Variants in ARFGEF3 observed in about 807,000 individuals in gnomAD.
ARFGEF3 encodes the protein ARFGEF family member 3.
Under a neutral mutation model 221.7 loss-of-function variants are expected in ARFGEF3, and 96 were observed. The ratio of observed to expected loss-of-function variants is 0.43; its 90% CI spans 0.37 to 0.51. The LOEUF is 0.51. Among genes scored for constraint, ARFGEF3 ranks in the 20% least tolerant of loss-of-function variants. The pLI, the probability that ARFGEF3 is intolerant of heterozygous loss-of-function variation, is 0.00. For missense variants in ARFGEF3, 2,410 were observed against 2,789.9 expected (o/e 0.86, Z 3.07); for synonymous variants, 1,145 against 1,126.8 (o/e 1.02, Z -0.32).
In ARFGEF3 at chr6:138,192,399, A is replaced by C. The variant is rs538076020; in HGVS notation, c.138-14643A>C. 2.1e-4 allele frequency among the ~76,000 whole-genome samples: 32 copies of C among 152,356 alleles called. No homozygotes were observed. The East Asian group carries it at 5.0e-3, about 24-fold the overall frequency. ...CTACTTGGGAGGCTGAGGCAGGAGA[A>C]TAGCTTGAACCCGGGAGGTGGAGGT... is the stretch of plus-strand genomic sequence containing the variant. On this transcript the variant is annotated intron_variant, in intron 2 of 33. Coordinates refer to ENST00000251691, the MANE Select transcript of ARFGEF3 (RefSeq NM_020340.5).
intron 1 of ARFGEF3, among the ~76,000 whole-genome samples, chr6:138,168,511 T>C (rs1776763694): frequency 6.6e-6 from 1 of 152,162 alleles, no homozygotes; most frequent in Non-Finnish European, 1.5e-5. Context: ...GGAAATGCTC[T>C]CATCTGGGTC....
chr6:138,249,996 G>A (rs1252987497), intron 8 of ARFGEF3, among the ~76,000 whole-genome samples: 1 of 152,162 alleles, frequency 6.6e-6, no homozygotes, highest in Non-Finnish European at 1.5e-5. Context: ...TCCTTGCTAA[G>A]TTTTTACTTG....
chr6:138,266,538 C>T (rs780095718), intron 12 of ARFGEF3, among the ~76,000 whole-genome samples: 23 of 151,966 alleles, frequency 1.5e-4, no homozygotes, highest in Non-Finnish European at 3.2e-4. Context: ...TACACCAAGC[C>T]TTTTGGTCTC....
At chr6:138,180,700 A>G (rs894153361) in intron 2 of ARFGEF3, among the ~76,000 whole-genome samples, 1 of 152,228 alleles carries the variant, frequency 6.6e-6, no homozygotes, top group Non-Finnish European at 1.5e-5. Flanking sequence ...GTGAAAGGCA[A>G]TGTGGGGAAG....
Position 138,344,416 on chromosome 6 carries a change from C to T in ARFGEF3, c.*7930C>T, listed in dbSNP as rs1780480525. On this transcript the variant is annotated 3_prime_UTR_variant, in exon 34 of 34. Coordinates refer to ENST00000251691, the MANE Select transcript of ARFGEF3 (RefSeq NM_020340.5). ...ACTTAAAAAAACAAACTGAAAATCA[C>T]ACTCCTTTATATGTTGATATAACTG... The T allele has an allele frequency of 1.3e-5, 2 of 152,148 alleles. No individual in the cohort carries two copies. The highest frequency in any genetic ancestry group is 1.3e-4 in the Admixed American group (2 of 15,278). 9.4% of individuals were successfully genotyped at this position (152,148 alleles called of 1,614,324 possible). A position where few individuals can be genotyped will look rare whatever the true frequency, so the allele number is the denominator to read the frequency against.
At chr6:138,306,515 AAAG>A (rs1276680330) in intron 22 of ARFGEF3, among the ~76,000 whole-genome samples, 1 of 152,228 alleles carries the variant, frequency 6.6e-6, no homozygotes, top group African/African-American at 2.4e-5. Context: ...CAAACTTGAA[AAAG>A]AAGGACAAAT....
chr6:138,255,494 A>G lies in ARFGEF3; in HGVS notation c.829A>G (p.Ile277Val), dbSNP rs1345310147. ...ILGNPIHDKTITSAHTSSTST... is the reference protein window; with the variant it reads ...ILGNPIHDKTVTSAHTSSTST... Reference sequence around the variant, plus strand: ...GGGGAATCCAATTCATGACAAAACCATCACCTCTGCTCACACCAGCAGCAC... The same window carrying G: ...GGGGAATCCAATTCATGACAAAACCGTCACCTCTGCTCACACCAGCAGCAC... The change falls in exon 10 of 34, where the codon ATC becomes GTC. Residue 277 changes from isoleucine to valine, a missense_variant. Physicochemically the swap from Ile to Val is conservative, Grantham distance 29. This residue lies in a region of ARFGEF3 where 570 missense variants were observed against 586.9 expected (regional missense o/e 0.97). Transcript: ENST00000251691. 6.2e-7 allele frequency: 1 copy of G among 1,613,662 alleles called. No individual in the cohort carries two copies. The highest frequency in any genetic ancestry group is 2.2e-5 in the East Asian group (1 of 44,870).
intron 4 of ARFGEF3, chr6:138,218,233 T>C (rs1453909134): frequency 6.2e-7 from 1 of 1,613,760 alleles, no homozygotes; most frequent in South Asian, 1.1e-5. Flanking sequence ...TTTTCTTTTT[T>C]TCGAAATACC....
chr6:138,185,730 A>C (rs1392292765), intron 2 of ARFGEF3, among the ~76,000 whole-genome samples: 1 of 152,174 alleles, frequency 6.6e-6, no homozygotes, highest in East Asian at 1.9e-4. Context: ...TGCATATTAG[A>C]GCCTCGACCT....
chr6:138,247,781 A>G (rs1014607783), intron 8 of ARFGEF3, among the ~76,000 whole-genome samples: 1 of 152,236 alleles, frequency 6.6e-6, no homozygotes, highest in Non-Finnish European at 1.5e-5. Flanking sequence ...AATATCAGTC[A>G]TATAAAACGC....
intron 4 of ARFGEF3, among the ~76,000 whole-genome samples, chr6:138,214,101 C>G (rs1250919222): frequency 6.6e-6 from 1 of 152,220 alleles, no homozygotes; most frequent in African/African-American, 2.4e-5. Flanking sequence ...CAGAAGCCAA[C>G]ACCCTTTATC....
intron 2 of ARFGEF3, among the ~76,000 whole-genome samples, chr6:138,206,486 C>G (rs1777626924): frequency 6.6e-6 from 1 of 152,112 alleles, no homozygotes; most frequent in African/African-American, 2.4e-5. Context: ...CTCAGATCTA[C>G]TTCTTGATGG....
chr6:138,320,611 AAGG>A (rs1306196814), intron 28 of ARFGEF3, among the ~76,000 whole-genome samples: 3 of 152,198 alleles, frequency 2.0e-5, no homozygotes, highest in Non-Finnish European at 4.4e-5. Flanking sequence ...CAGAGAAACT[AAGG>A]AGGATGTTGA....
intron 18 of ARFGEF3, among the ~76,000 whole-genome samples, chr6:138,290,525 C>G (rs1779383952): frequency 6.6e-6 from 1 of 152,152 alleles, no homozygotes; most frequent in African/African-American, 2.4e-5. Flanking sequence ...AAAGAAACTC[C>G]CAGTGAGTTA....
intron 2 of ARFGEF3, among the ~76,000 whole-genome samples, chr6:138,202,696 A>ACC (rs143313608): frequency 1.3e-5 from 2 of 150,610 alleles, no homozygotes; most frequent in African/African-American, 2.4e-5. Flanking sequence ...AAAAAAAAAA[A>ACC]CCCTGTTTTT....
In ARFGEF3 at chr6:138,243,035, G is replaced by T. The variant is rs556189122; in HGVS notation, c.586+41G>T. The T allele has an allele frequency of 3.0e-5, 45 of 1,497,320 alleles. No individual in the cohort carries two copies. The South Asian group carries it at 4.0e-4, about 13-fold the overall frequency. 92.8% of individuals were successfully genotyped at this position (1,497,320 alleles called of 1,614,324 possible). A position where few individuals can be genotyped will look rare whatever the true frequency, so the allele number is the denominator to read the frequency against. On this transcript the variant is annotated intron_variant, in intron 7 of 33. Transcript: ENST00000251691. ...TGTACTAGTTCAGTTTTTAAAGCAG[G>T]TGTGAGAATGCCTACTGTGTGCTTG...
intron 6 of ARFGEF3, among the ~76,000 whole-genome samples, chr6:138,239,864 A>G (rs1401696474): frequency 6.6e-6 from 1 of 152,262 alleles, no homozygotes; most frequent in East Asian, 1.9e-4. Context: ...ATAGATGAGA[A>G]GGTGAAACTC....
intron 10 of ARFGEF3, 41 bp downstream of exon 10, chr6:138,255,810 G>T: frequency 3.5e-6 from 5 of 1,439,666 alleles, no homozygotes; most frequent in Non-Finnish European, 4.6e-6. Context: ...TTACAAGGGG[G>T]CCTGACCAGC....
intron 2 of ARFGEF3, among the ~76,000 whole-genome samples, chr6:138,175,041 A>G (rs1386374601): frequency 6.6e-6 from 1 of 152,148 alleles, no homozygotes; most frequent in Admixed American, 6.5e-5. Flanking sequence ...TCTAAGAGAG[A>G]TATTGATGAT....
Sources: allele counts gnomAD v4.1 joint callset (sites outside exome capture counted in the v4.1 genomes callset), GRCh38; gene constraint gnomAD v4.1.1; regional missense constraint gnomAD v4.1.1; transcripts MANE v1.5; gene names NCBI Gene and HGNC (gene_info 2026-07-23, HGNC 2026-07-21).